MGRN1: variants seen among roughly 807,000 people sequenced by gnomAD.
MGRN1 encodes the protein mahogunin ring finger 1, also known as E3 ubiquitin-protein ligase MGRN1.
Under a neutral mutation model 69.2 loss-of-function variants are expected in MGRN1, and 29 were observed. The ratio of observed to expected loss-of-function variants is 0.42; its 90% CI spans 0.31 to 0.57. The LOEUF (loss-of-function observed/expected upper bound fraction) is 0.57, where lower values mean the gene tolerates loss of function less well. MGRN1 is among the 20% of genes least tolerant of loss of function. The pLI, the probability that MGRN1 is intolerant of heterozygous loss-of-function variation, is 0.15. For synonymous variants in MGRN1, 470 were observed against 344.2 expected (o/e 1.37, Z -4.04); for missense variants, 998 against 796.2 (o/e 1.25, Z -3.05).
At chr16:4,678,530 G>A (rs1050825316) in intron 11 of MGRN1, among the ~76,000 whole-genome samples, 14 of 152,036 alleles carry the variant, frequency 9.2e-5, no homozygotes, top group Non-Finnish European at 1.3e-4. Context: ...GACAGATGTG[G>A]AGAGACGGAG....
At chr16:4,663,365 GTTTTTTTT>G (rs1183914569) in intron 5 of MGRN1, among the ~76,000 whole-genome samples, 3 of 61,804 alleles carry the variant, frequency 4.9e-5, no homozygotes, top group Non-Finnish European at 6.0e-5. Context: ...ACCTGGCCTT[GTTTTTTTT>G]TTTTTTTTTT....
chr16:4,687,980 G>A (rs841223), intron 16 of MGRN1: 529,871 of 985,446 alleles, frequency 0.54, 143,949 homozygotes, highest in Non-Finnish European at 0.55. Context: ...GGAAGGTGCC[G>A]TGCGAATGTC....
At chr16:4,688,203 C>T (rs2079377235) in intron 16 of MGRN1, 4 of 985,652 alleles carry the variant, frequency 4.1e-6, no homozygotes, top group Non-Finnish European at 4.8e-6. Context: ...CCGTCCCAGG[C>T]TCTGCACCAG....
In MGRN1 at chr16:4,690,955, A is replaced by C. The variant is rs914983177; in HGVS notation, c.*2047A>C. ...TTCGTTTTTACTGTATATTTATAGTAATAAAATCATGCAGCAATATCCTGT... is the reference window on the plus strand; with the variant it reads ...TTCGTTTTTACTGTATATTTATAGTCATAAAATCATGCAGCAATATCCTGT... On this transcript the variant is annotated 3_prime_UTR_variant, in exon 17 of 17. Coordinates refer to ENST00000262370, the MANE Select transcript of MGRN1 (RefSeq NM_015246.4). The C allele has an allele frequency of 2.0e-5, 3 of 152,342 alleles. No homozygotes were observed. Among genetic ancestry groups the C allele is most frequent in the African/African-American group, 7.2e-5 (3 of 41,412 alleles). The allele number at this position is 152,342 out of a possible 1,614,324, so 9.4% of individuals were successfully genotyped here.
chr16:4,671,981 C>T (rs546131627), intron 9 of MGRN1, among the ~76,000 whole-genome samples: 8 of 152,230 alleles, frequency 5.3e-5, no homozygotes, highest in Non-Finnish European at 8.8e-5. Context: ...TCTTGGCTCA[C>T]TGTGGCCTCC....
chr16:4,682,817 C>T lies in MGRN1; in HGVS notation c.1359-6C>T. 6.4e-7 allele frequency: 1 copy of T among 1,573,658 alleles called. No individual in the cohort carries two copies. Among genetic ancestry groups the T allele is most frequent in the Non-Finnish European group, 8.7e-7 (1 of 1,154,848 alleles). On this transcript the variant is annotated splice_polypyrimidine_tract_variant and splice_region_variant and intron_variant, in intron 13 of 16. Transcript: ENST00000262370. ...CACCCCTGCCCACCCTCTCCTCTGT[C>T]CCCAGCACCCTACGGTCCCCGTCTT...
chr16:4,642,068 A>G (rs115667144), intron 1 of MGRN1, among the ~76,000 whole-genome samples: 1,498 of 149,430 alleles, frequency 0.01, 19 homozygotes, highest in African/African-American at 0.029. Flanking sequence ...TTGAGTGCTG[A>G]GGGTCCATCC....
chr16:4,651,865 G>C, intron 2 of MGRN1, 98 bp from the exon 3 acceptor site: 2 of 1,069,448 alleles, frequency 1.9e-6, no homozygotes, highest in Middle Eastern at 2.0e-4. Context: ...TAGATCCCAG[G>C]GATACCCTCT....
chr16:4,653,889 A>T (rs1352539137), intron 4 of MGRN1, among the ~76,000 whole-genome samples: 1 of 152,104 alleles, frequency 6.6e-6, no homozygotes, highest in Non-Finnish European at 1.5e-5. Flanking sequence ...AGTAGCTGGG[A>T]TTACAGGCAT....
At chr16:4,681,478 G>A (rs2079180904) in intron 12 of MGRN1, 72 bp from the exon 13 acceptor site, 1 of 1,420,512 alleles carries the variant, frequency 7.0e-7, no homozygotes, top group East Asian at 2.3e-5. Flanking sequence ...TGGACAGGAG[G>A]TCATCAGGAG....
In MGRN1 at chr16:4,682,934, C is replaced by A; in HGVS notation, c.1470C>A (p.Ser490Arg). The change falls in exon 14 of 17, where the codon AGC becomes AGA. Residue 490 changes from serine to arginine, a missense_variant. Ser to Arg is a moderately radical substitution (Grantham distance 110, BLOSUM62 -1). Coordinates refer to ENST00000262370, the MANE Select transcript of MGRN1 (RefSeq NM_015246.4). ...LGGAELALRE[S>R]SSPESFITEE... ...GCGCAGAGCTGGCCCTGCGGGAAAG[C>A]AGCTCCCCTGAGGTGAGGCCCCCCC... The A allele has an allele frequency of 6.3e-7, 1 of 1,591,406 alleles. No individual in the cohort carries two copies.
chr16:4,643,495 C>T (rs1009982423), intron 1 of MGRN1, among the ~76,000 whole-genome samples: 1 of 151,450 alleles, frequency 6.6e-6, no homozygotes, highest in Admixed American at 6.6e-5. Flanking sequence ...TCAGCCCCTC[C>T]CAAGTACCTG....
chr16:4,630,301 G>A (rs1486491195), intron 1 of MGRN1, among the ~76,000 whole-genome samples: 4 of 149,820 alleles, frequency 2.7e-5, no homozygotes, highest in Non-Finnish European at 5.9e-5. Flanking sequence ...GTTGCAGTGA[G>A]CCGAGATTAT....
intron 1 of MGRN1, among the ~76,000 whole-genome samples, chr16:4,641,997 C>T (rs150034477): frequency 2.7e-4 from 41 of 152,168 alleles, no homozygotes; most frequent in Non-Finnish European, 5.3e-4. Context: ...CAGTTGGTCT[C>T]GTCTCCTGCA....
In MGRN1 at chr16:4,680,058, C is replaced by T. The variant is rs2079143984; in HGVS notation, c.1092C>T (p.His364=). ...GTCCCTTTAAAAAATCAAAGCCGCA[C>T]CCCGCCTCCCTGGCCAGCAAGAAAC... ...HSCPFKKSKP[H]PASLASKKPK... The change falls in exon 12 of 17, where the codon CAC becomes CAT. Residue 364 remains histidine, a synonymous_variant. Transcript: ENST00000262370. 1.2e-6 allele frequency: 2 copies of T among 1,614,134 alleles called. No individual in the cohort carries two copies. Among genetic ancestry groups the T allele is most frequent in the Admixed American group, 1.7e-5 (1 of 60,016 alleles).
intron 10 of MGRN1, among the ~76,000 whole-genome samples, chr16:4,674,606 TTTTTCTTTTC>T (rs1372733460): frequency 6.7e-5 from 9 of 133,586 alleles, no homozygotes; most frequent in African/African-American, 2.4e-4. Flanking sequence ...CTTTTCTTTT[TTTTTCTTTTC>T]TTTTCTTTTC....
intron 11 of MGRN1, among the ~76,000 whole-genome samples, chr16:4,679,737 A>C (rs1221526381): frequency 6.6e-6 from 1 of 152,174 alleles, no homozygotes; most frequent in Non-Finnish European, 1.5e-5. Flanking sequence ...ACCTTGGCCA[A>C]ATCTGTTGCC....
In MGRN1 at chr16:4,689,038, G is replaced by C; in HGVS notation, c.*130G>C. 7.9e-7 allele frequency: 1 copy of C among 1,270,328 alleles called. No homozygotes were observed. The highest frequency in any genetic ancestry group is 1.1e-6 in the Non-Finnish European group (1 of 950,690). 78.7% of individuals were successfully genotyped at this position (1,270,328 alleles called of 1,614,324 possible). A position where few individuals can be genotyped will look rare whatever the true frequency, so the allele number is the denominator to read the frequency against. On this transcript the variant is annotated 3_prime_UTR_variant, in exon 17 of 17. Transcript: ENST00000262370. ...TGGCCACCAGGCTCCGAGGGGCCGTGGTGACTCTTGATCAAAGAGCACAGT... is the reference window on the plus strand; with the variant it reads ...TGGCCACCAGGCTCCGAGGGGCCGTCGTGACTCTTGATCAAAGAGCACAGT...
In MGRN1 at chr16:4,688,825, G is replaced by T. The variant is rs766265968; in HGVS notation, c.1648G>T (p.Gly550Cys). 6 of 1,553,286 alleles carry T rather than the reference G, an allele frequency of 3.9e-6. No homozygotes were observed. The highest frequency in any genetic ancestry group is 4.4e-6 in the Non-Finnish European group (5 of 1,148,090). Residue 550 changes from glycine (G) to cysteine (C), a missense_variant, in exon 17 of 17, where the codon GGC (glycine) becomes TGC (cysteine). Coordinates refer to ENST00000262370, the MANE Select transcript of MGRN1 (RefSeq NM_015246.4). ...GRPTSMETAH[G>C]LATTSPTWPP... Reference sequence around the variant, plus strand: ...GCCCACCTCCATGGAGACGGCCCACGGCCTCGCCACCACCAGCCCCACCTG... The same window carrying T: ...GCCCACCTCCATGGAGACGGCCCACTGCCTCGCCACCACCAGCCCCACCTG...
Sources: gnomAD v4.1 joint callset for allele counts (sites outside exome capture counted in the v4.1 genomes callset) on GRCh38, gnomAD v4.1.1 for gene constraint, MANE v1.5 for transcripts, NCBI Gene and HGNC (gene_info 2026-07-23, HGNC 2026-07-21) for gene names.